The following ANXA8 variants were observed in gnomAD, a reference collection of about 807,000 sequenced individuals.
ANXA8 encodes VAC-beta.
ANXA8 carries 9 observed loss-of-function variants against 26.8 expected under a neutral mutation model. That is an observed-to-expected ratio of 0.34 (90% CI 0.20 to 0.59). The LOEUF is 0.59. ANXA8 is among the 20% of genes least tolerant of loss of function. ANXA8 has a pLI of 0.84. For missense variants in ANXA8, 83 were observed against 238.5 expected, an observed-to-expected ratio of 0.35 and a Z score of 4.29; for synonymous variants, 39 against 94.8, an observed-to-expected ratio of 0.41 and a Z score of 3.42.
chr10:47,896,442 C>A, the ANXA8 span, among the ~76,000 whole-genome samples: 1 of 150,624 alleles, frequency 6.6e-6, no homozygotes, highest in Non-Finnish European at 1.5e-5. Flanking sequence ...TGCCACATTG[C>A]TTTGGAGCAG....
At chr10:47,696,042 C>T in the ANXA8 span, among the ~76,000 whole-genome samples, 11 of 151,598 alleles carry the variant, frequency 7.3e-5, no homozygotes, top group African/African-American at 1.7e-4. Flanking sequence ...CTAGGCACTA[C>T]GGCTTTGGAA....
At chr10:47,519,520 C>T in the ANXA8 span, among the ~76,000 whole-genome samples, 196 of 108,636 alleles carry the variant, frequency 1.8e-3, 7 homozygotes, top group African/African-American at 6.6e-3. Flanking sequence ...CTCTCTCTTT[C>T]ACCGTGTGGA....
the ANXA8 span, among the ~76,000 whole-genome samples, chr10:47,928,912 G>A: frequency 1.0e-5 from 1 of 96,580 alleles, no homozygotes; most frequent in Non-Finnish European, 2.0e-5. Context: ...ATACCACCAT[G>A]TCCAGCTAAT....
At chr10:47,579,215 C>T in the ANXA8 span, among the ~76,000 whole-genome samples, 1 of 84,518 alleles carries the variant, frequency 1.2e-5, no homozygotes, top group Non-Finnish European at 3.1e-5. Flanking sequence ...TCACGGCTCA[C>T]TACAACCTTG....
the ANXA8 span, among the ~76,000 whole-genome samples, chr10:47,562,766 G>A: frequency 7.1e-6 from 1 of 140,580 alleles, no homozygotes; most frequent in East Asian, 2.0e-4. Context: ...TCAACCTCAG[G>A]AAGGGAAAAT....
At chr10:47,954,599 T>C in the ANXA8 span, among the ~76,000 whole-genome samples, 2 of 151,402 alleles carry the variant, frequency 1.3e-5, no homozygotes, top group Non-Finnish European at 2.9e-5. Flanking sequence ...AGGTGATGGA[T>C]ACCTTGTTTA....
At chr10:47,735,348 G>A in the ANXA8 span, among the ~76,000 whole-genome samples, 1 of 146,162 alleles carries the variant, frequency 6.8e-6, no homozygotes, top group East Asian at 2.1e-4. Context: ...TCTTGCCTTG[G>A]CCTCCCAAAG....
At chr10:47,667,166 T>C in the ANXA8 span, among the ~76,000 whole-genome samples, 2 of 152,052 alleles carry the variant, frequency 1.3e-5, no homozygotes. Flanking sequence ...CTTCTGTTTC[T>C]TCTCCTCTTA....
chr10:47,571,006 A>G, the ANXA8 span, among the ~76,000 whole-genome samples: 2 of 150,648 alleles, frequency 1.3e-5, no homozygotes, highest in Non-Finnish European at 2.9e-5. Context: ...AACATGAGTG[A>G]ACTATCTCAC....
At chr10:47,772,051 T>G in the ANXA8 span, among the ~76,000 whole-genome samples, 1 of 151,736 alleles carries the variant, frequency 6.6e-6, no homozygotes, top group African/African-American at 2.4e-5. Context: ...TTGCACCACT[T>G]TCTTTGTATA....
chr10:47,562,830 G>T, the ANXA8 span, among the ~76,000 whole-genome samples: 1 of 150,746 alleles, frequency 6.6e-6, no homozygotes, highest in Admixed American at 6.6e-5. Flanking sequence ...GAGAATAACA[G>T]GTAAGGATCT....
chr10:47,767,979 G>T, the ANXA8 span, among the ~76,000 whole-genome samples: 1 of 149,458 alleles, frequency 6.7e-6, no homozygotes, highest in East Asian at 2.0e-4. Context: ...GAGTGAGCCC[G>T]CCAAGGCCAC....
At chr10:47,493,492 A>G in the ANXA8 span, among the ~76,000 whole-genome samples, 1 of 147,436 alleles carries the variant, frequency 6.8e-6, no homozygotes, top group Non-Finnish European at 1.5e-5. Context: ...CACTCACACA[A>G]GGGTCCTTTC....
chr10:47,596,939 G>A, the ANXA8 span, among the ~76,000 whole-genome samples: 28 of 147,326 alleles, frequency 1.9e-4, 4 homozygotes, highest in African/African-American at 7.1e-4. Context: ...ACCAAAATAT[G>A]GCAAATACTC....
the ANXA8 span, among the ~76,000 whole-genome samples, chr10:47,697,792 G>A: frequency 1.0e-5 from 1 of 96,518 alleles, no homozygotes; most frequent in African/African-American, 4.1e-5. Context: ...TCCTCCTGGA[G>A]CTTATGTTCT....
At chr10:47,604,747 A>G in the ANXA8 span, among the ~76,000 whole-genome samples, 1 of 152,302 alleles carries the variant, frequency 6.6e-6, no homozygotes, top group East Asian at 1.9e-4. Flanking sequence ...GGTGAAATTA[A>G]AATTATTTCT....
chr10:47,562,100 C>T, the ANXA8 span, among the ~76,000 whole-genome samples: 2 of 151,858 alleles, frequency 1.3e-5, no homozygotes, highest in Non-Finnish European at 2.9e-5. Flanking sequence ...ACATACTCCT[C>T]TAAATATGAT....
the ANXA8 span, among the ~76,000 whole-genome samples, chr10:47,676,531 C>G: frequency 6.6e-6 from 1 of 151,770 alleles, no homozygotes; most frequent in South Asian, 2.1e-4. Flanking sequence ...TGTTTTAGGA[C>G]CAGAAAAAAA....
chr10:47,968,999 G>A, the ANXA8 span, among the ~76,000 whole-genome samples: 1 of 147,978 alleles, frequency 6.8e-6, no homozygotes, highest in East Asian at 2.0e-4. Context: ...AAATAAAACT[G>A]CTCTCTTTTG....
Sources: allele counts gnomAD v4.1 joint callset (sites outside exome capture counted in the v4.1 genomes callset), GRCh38; gene constraint gnomAD v4.1.1; transcripts MANE v1.5; gene names NCBI Gene and HGNC (gene_info 2026-07-23, HGNC 2026-07-21).